Variants in CHN2 observed in about 807,000 individuals in gnomAD.
The protein encoded by CHN2 is beta-chimaerin.
Under a neutral mutation model 56.3 loss-of-function variants are expected in CHN2, and 35 were observed. That is an observed-to-expected ratio of 0.62 (90% CI 0.47 to 0.82). The LOEUF (loss-of-function observed/expected upper bound fraction) is 0.82. Ranked by LOEUF, CHN2 falls within the 40% of genes least tolerant of loss-of-function variation. CHN2 has a pLI of 0.00. For missense variants in CHN2, 491 were observed against 580.5 expected (o/e 0.85, Z 1.58); for synonymous variants, 210 against 212.8 (o/e 0.99, Z 0.12).
chr7:29,297,820 C>T (rs1015932856), intron 1 of CHN2, among the ~76,000 whole-genome samples: 1 of 152,050 alleles, frequency 6.6e-6, no homozygotes, highest in Non-Finnish European at 1.5e-5. Flanking sequence ...ACACGATTAC[C>T]TATCTGTGAA....
intron 6 of CHN2, among the ~76,000 whole-genome samples, chr7:29,403,841 T>C (rs1422240298): frequency 2.0e-5 from 3 of 152,232 alleles, no homozygotes; most frequent in Admixed American, 6.5e-5. Flanking sequence ...TCAGAACTTA[T>C]TCCATAGATG....
chr7:29,456,821 G>T (rs536085832), intron 6 of CHN2, among the ~76,000 whole-genome samples: 21 of 152,188 alleles, frequency 1.4e-4, no homozygotes, highest in African/African-American at 4.3e-4. Flanking sequence ...TGCAGACTCA[G>T]GCCCTGGTGG....
At chr7:29,230,130 G>A (rs544566778) in intron 1 of CHN2, among the ~76,000 whole-genome samples, 20 of 152,284 alleles carry the variant, frequency 1.3e-4, no homozygotes, top group Admixed American at 5.2e-4. Context: ...AGTATTCACT[G>A]TCTGGCCCTT....
intron 3 of CHN2, among the ~76,000 whole-genome samples, chr7:29,377,339 A>G (rs1800151214): frequency 6.6e-6 from 1 of 152,180 alleles, no homozygotes. Context: ...TTCAGTCTTA[A>G]TATGATGATT....
At chr7:29,364,739 C>T (rs1475131243) in intron 2 of CHN2, among the ~76,000 whole-genome samples, 3 of 152,216 alleles carry the variant, frequency 2.0e-5, no homozygotes, top group South Asian at 4.1e-4. Context: ...GACTTTATCT[C>T]TTATAGCTTT....
At chr7:29,231,388 A>G (rs1342057238) in intron 1 of CHN2, among the ~76,000 whole-genome samples, 2 of 152,162 alleles carry the variant, frequency 1.3e-5, no homozygotes, top group Non-Finnish European at 2.9e-5. Context: ...AGGATGTTCA[A>G]TGGCATCATT....
rs6462137 is a variant in CHN2 at position 29,403,084 on chromosome 7, C to T, written c.576+2256C>T. ...CACTAATGATGTGATGTTTGGTTGT[C>T]CCAAGGGACACTGGGCCTGGTCACT... is the stretch of plus-strand genomic sequence containing the variant. On this transcript the variant is annotated intron_variant, in intron 6 of 12. Transcript: ENST00000222792. Among the ~76,000 whole-genome samples, 1,272 of 152,040 alleles carry T rather than the reference C, an allele frequency of 8.4e-3. 16 individuals are homozygous for T. The highest frequency in any genetic ancestry group is 0.028 in the African/African-American group (1,173 of 41,428).
At chr7:29,322,671 A>G (rs1795453335) in intron 1 of CHN2, among the ~76,000 whole-genome samples, 1 of 152,206 alleles carries the variant, frequency 6.6e-6, no homozygotes. Flanking sequence ...AGCTGGTCAT[A>G]TGAAGTCCTA....
intron 2 of CHN2, among the ~76,000 whole-genome samples, chr7:29,171,484 G>A (rs889394025): frequency 2.0e-5 from 3 of 152,142 alleles, no homozygotes; most frequent in East Asian, 1.9e-4. Context: ...GATCCCAGAC[G>A]GAGAGGATTC....
intron 1 of CHN2, among the ~76,000 whole-genome samples, chr7:29,282,727 TA>T (rs950475387): frequency 3.2e-4 from 48 of 152,128 alleles, no homozygotes; most frequent in African/African-American, 1.0e-3. Flanking sequence ...ATATAGGCTT[TA>T]AAAAATATTT....
At chr7:29,178,671 G>A (rs763914398) in intron 2 of CHN2, among the ~76,000 whole-genome samples, 1 of 152,094 alleles carries the variant, frequency 6.6e-6, no homozygotes, top group Non-Finnish European at 1.5e-5. Flanking sequence ...TATATTCTCA[G>A]GGTCTATACC....
At chr7:29,352,206 G>A (rs911071812) in intron 1 of CHN2, among the ~76,000 whole-genome samples, 3 of 152,090 alleles carry the variant, frequency 2.0e-5, no homozygotes, top group Non-Finnish European at 2.9e-5. Context: ...TATAGAAGGC[G>A]GTGCTCTAGA....
intron 6 of CHN2, among the ~76,000 whole-genome samples, chr7:29,469,964 A>G (rs777471917): frequency 1.2e-4 from 19 of 152,182 alleles, no homozygotes; most frequent in Non-Finnish European, 2.4e-4. Flanking sequence ...GAGGGAGAGA[A>G]GGAAGGAAGG....
At chr7:29,352,363 GTGTGTA>G (rs1554277942) in intron 1 of CHN2, among the ~76,000 whole-genome samples, 9,287 of 151,884 alleles carry the variant, frequency 0.061, 420 homozygotes, top group African/African-American at 0.13. Context: ...GTGTGTGTGT[GTGTGTA>G]TGTGTGTGTG....
At chr7:29,355,772 ATTTTTTTTT>A (rs1167339692) in intron 2 of CHN2, among the ~76,000 whole-genome samples, 807 of 52,390 alleles carry the variant, frequency 0.015, 9 homozygotes, top group African/African-American at 0.049. Flanking sequence ...AGATGGGACT[ATTTTTTTTT>A]TTTTTTTTTT....
At chr7:29,356,434 A>C (rs1160651024) in intron 2 of CHN2, among the ~76,000 whole-genome samples, 1 of 152,202 alleles carries the variant, frequency 6.6e-6, no homozygotes, top group African/African-American at 2.4e-5. Context: ...ATTTCCCAAC[A>C]TCCACAAATT....
chr7:29,435,762 C>G (rs887001923), intron 6 of CHN2, among the ~76,000 whole-genome samples: 2 of 152,106 alleles, frequency 1.3e-5, no homozygotes, highest in Non-Finnish European at 2.9e-5. Flanking sequence ...TTAAGAACCA[C>G]CAGTCTAGGA....
intron 6 of CHN2, among the ~76,000 whole-genome samples, chr7:29,438,321 C>T (rs572603025): frequency 6.6e-6 from 1 of 152,332 alleles, no homozygotes; most frequent in South Asian, 2.1e-4. Context: ...TAAAGTAACA[C>T]TAGAATCTTA....
At chr7:29,271,223 G>C (rs186971249) in intron 1 of CHN2, among the ~76,000 whole-genome samples, 40 of 152,272 alleles carry the variant, frequency 2.6e-4, no homozygotes, top group Admixed American at 1.4e-3. Context: ...GGCTGTGGTA[G>C]GTCCCTGCCT....
Sources: gnomAD v4.1 joint callset for allele counts (sites outside exome capture counted in the v4.1 genomes callset) on GRCh38, gnomAD v4.1.1 for gene constraint, MANE v1.5 for transcripts, NCBI Gene and HGNC (gene_info 2026-07-23, HGNC 2026-07-21) for gene names.